VPS54: variants seen among roughly 807,000 people sequenced by gnomAD.
The protein encoded by VPS54 is VPS54 subunit of GARP complex, also known as vacuolar protein sorting-associated protein 54.
VPS54 carries 45 observed loss-of-function variants against 121.5 expected under a neutral mutation model. The ratio of observed to expected loss-of-function variants is 0.37; its 90% CI spans 0.29 to 0.47. VPS54 has a LOEUF of 0.47. VPS54 is among the 20% of genes least tolerant of loss of function. The pLI is 0.99. For synonymous variants in VPS54, 371 were observed against 385.8 expected (o/e 0.96, Z 0.45); for missense variants, 1,090 against 1,131.4 (o/e 0.96, Z 0.52).
intron 16 of VPS54, among the ~76,000 whole-genome samples, chr2:63,915,476 G>A (rs1673340848): frequency 3.3e-5 from 5 of 152,160 alleles, no homozygotes; most frequent in Non-Finnish European, 1.5e-5. Flanking sequence ...CTGCCTAAAT[G>A]AGCATGAGTC....
intron 21 of VPS54, among the ~76,000 whole-genome samples, chr2:63,897,999 C>G (rs1041131888): frequency 2.0e-5 from 3 of 151,964 alleles, no homozygotes; most frequent in Non-Finnish European, 4.4e-5. Flanking sequence ...ATGCAATGAC[C>G]CAATATTTCT....
chr2:63,902,044 T>C (rs1672699753), intron 20 of VPS54, among the ~76,000 whole-genome samples: 2 of 152,086 alleles, frequency 1.3e-5, no homozygotes, highest in East Asian at 1.9e-4. Context: ...AAAACATGCC[T>C]GCTGCTGAAG....
At chr2:64,010,945 T>C (rs1352402802) in intron 1 of VPS54, among the ~76,000 whole-genome samples, 2 of 152,218 alleles carry the variant, frequency 1.3e-5, no homozygotes, top group Non-Finnish European at 2.9e-5. Flanking sequence ...CATCCTCATA[T>C]GGCATTTATG....
rs138683275 is a variant in VPS54, at chr2:63,944,906, T to C, written c.1246-251A>G. On this transcript the variant is annotated intron_variant, in intron 9 of 22. Coordinates refer to ENST00000272322, the MANE Select transcript of VPS54 (RefSeq NM_016516.3). ...ACAATAACAGGTGCTGGCAAGGTTG[T>C]AGAGAAAAGGGAACACTTATACACT... Among the ~76,000 whole-genome samples the C allele has an allele frequency of 3.1e-3, 471 of 152,158 alleles. 11 individuals are homozygous for C. Among genetic ancestry groups the C allele is most frequent in the Non-Finnish European group, 6.8e-4 (46 of 68,014 alleles).
At chr2:63,965,992 A>G (rs749618008) in intron 5 of VPS54, 26 bp from the exon 6 acceptor site, 4 of 1,595,890 alleles carry the variant, frequency 2.5e-6, no homozygotes, top group Non-Finnish European at 3.4e-6. Flanking sequence ...ATTTCCCTCA[A>G]TTAGATAAGT....
intron 4 of VPS54, 46 bp downstream of exon 4, chr2:63,972,120 A>G: frequency 7.9e-7 from 1 of 1,270,344 alleles, no homozygotes; most frequent in South Asian, 2.1e-5. Flanking sequence ...TTGTTCACTA[A>G]TATTTATGCT....
chr2:63,945,083 G>A (rs1030024676), intron 9 of VPS54, among the ~76,000 whole-genome samples: 5 of 152,174 alleles, frequency 3.3e-5, no homozygotes, highest in African/African-American at 4.8e-5. Context: ...AAAGACACAT[G>A]CACACTTATG....
intron 6 of VPS54, among the ~76,000 whole-genome samples, chr2:63,964,045 C>T (rs1675881886): frequency 6.6e-6 from 1 of 152,160 alleles, no homozygotes; most frequent in Admixed American, 6.5e-5. Context: ...GCACTTTGCA[C>T]AGTACAATAG....
intron 7 of VPS54, among the ~76,000 whole-genome samples, chr2:63,951,059 T>C (rs1214170380): frequency 1.3e-5 from 2 of 152,180 alleles, no homozygotes; most frequent in African/African-American, 4.8e-5. Context: ...TCTCAAGTAA[T>C]ATTAGAGTCT....
At chr2:63,967,683 C>T (rs1676064766) in intron 5 of VPS54, among the ~76,000 whole-genome samples, 1 of 125,618 alleles carries the variant, frequency 8.0e-6, no homozygotes, top group Non-Finnish European at 1.6e-5. Flanking sequence ...TGTGCCACTG[C>T]ACTCCAGCCT....
At chr2:63,910,585 G>GT (rs1440484532) in intron 20 of VPS54, among the ~76,000 whole-genome samples, 4 of 152,070 alleles carry the variant, frequency 2.6e-5, no homozygotes, top group African/African-American at 9.7e-5. Flanking sequence ...AATGTTCTTA[G>GT]TTTTTAAAAA....
chr2:64,001,603 G>A (rs1176324097), intron 1 of VPS54, among the ~76,000 whole-genome samples: 2 of 152,010 alleles, frequency 1.3e-5, no homozygotes, highest in Admixed American at 6.6e-5. Flanking sequence ...CCAGGACTGG[G>A]TCCCTCCCTT....
chr2:63,931,499 T>C (rs1265719051), intron 12 of VPS54, among the ~76,000 whole-genome samples: 2 of 152,100 alleles, frequency 1.3e-5, no homozygotes, highest in Non-Finnish European at 2.9e-5. Flanking sequence ...TATACAAAAA[T>C]CAACTCAAGA....
intron 7 of VPS54, among the ~76,000 whole-genome samples, chr2:63,959,480 A>G (rs528393273): frequency 6.6e-6 from 1 of 152,366 alleles, no homozygotes; most frequent in South Asian, 2.1e-4. Flanking sequence ...AACTTTACAG[A>G]AATGTTTTAC....
Position 63,949,059 on chromosome 2 carries a change from T to A in VPS54, c.1115A>T (p.Asp372Val). 1 of 1,611,304 alleles carries A rather than the reference T, an allele frequency of 6.2e-7. No individual in the cohort carries two copies. Among genetic ancestry groups the A allele is most frequent in the Non-Finnish European group, 8.5e-7 (1 of 1,179,062 alleles). Residue 372 changes from aspartate (D) to valine (V), a missense_variant, in exon 8 of 23, where the codon GAT becomes GTT. Asp to Val is a radical substitution (Grantham distance 152, BLOSUM62 -3). Coordinates refer to ENST00000272322, the MANE Select transcript of VPS54 (RefSeq NM_016516.3). ...SHSDLNRPLE[D>V]DCQVLEEERL... ...TACCTCTTCTAAAACTTGACAGTCATCTTCCAGTGGTCTATTTAAGTCACT... is the reference window on the plus strand; with the variant it reads ...TACCTCTTCTAAAACTTGACAGTCAACTTCCAGTGGTCTATTTAAGTCACT...
chr2:63,943,074 A>T (rs1674811619), intron 10 of VPS54, among the ~76,000 whole-genome samples: 3 of 152,206 alleles, frequency 2.0e-5, no homozygotes, highest in Admixed American at 6.5e-5. Flanking sequence ...TAACATGAGG[A>T]AACTGACAGA....
At chr2:63,923,472 G>C (rs1398826374) in intron 12 of VPS54, among the ~76,000 whole-genome samples, 1 of 152,042 alleles carries the variant, frequency 6.6e-6, no homozygotes, top group Non-Finnish European at 1.5e-5. Context: ...GTACACTCAA[G>C]TTCATAACAG....
intron 22 of VPS54, among the ~76,000 whole-genome samples, chr2:63,895,781 T>C (rs758906613): frequency 6.6e-6 from 1 of 152,210 alleles, no homozygotes; most frequent in South Asian, 2.1e-4. Flanking sequence ...AATTGACTTA[T>C]AAAGAATGAG....
intron 7 of VPS54, among the ~76,000 whole-genome samples, chr2:63,955,243 G>A (rs1335287396): frequency 6.6e-6 from 1 of 151,524 alleles, no homozygotes; most frequent in Admixed American, 6.6e-5. Flanking sequence ...TTCCTTTACT[G>A]TTGTGTATGT....
Sources: gnomAD v4.1 joint callset for allele counts (sites outside exome capture counted in the v4.1 genomes callset) on GRCh38, gnomAD v4.1.1 for gene constraint, MANE v1.5 for transcripts, NCBI Gene and HGNC (gene_info 2026-07-23, HGNC 2026-07-21) for gene names.